Variants in ATP8A2 observed in about 807,000 individuals in gnomAD.
ATP8A2 encodes ATPase phospholipid transporting 8A2.
A neutral mutation model predicts 165.6 loss-of-function variants in ATP8A2; 100 were observed. That is an observed-to-expected ratio of 0.60 (90% CI 0.51 to 0.71). The LOEUF is 0.71. ATP8A2 is among the 30% of genes least tolerant of loss of function. ATP8A2 has a pLI of 0.00. For missense variants in ATP8A2, 1,227 were observed against 1,479.5 expected, an observed-to-expected ratio of 0.83 and a Z score of 2.80; for synonymous variants, 543 against 548.8, an observed-to-expected ratio of 0.99 and a Z score of 0.15.
At chr13:25,859,134 A>G (rs9511961) in intron 30 of ATP8A2, among the ~76,000 whole-genome samples, 144,152 of 152,102 alleles carry the variant, frequency 0.95, 68,646 homozygotes, top group Non-Finnish European at 1. Context: ...TCCAGGAGGC[A>G]GAGGTTGCAG....
chr13:25,621,540 C>T (rs994996579), intron 24 of ATP8A2, among the ~76,000 whole-genome samples: 1 of 152,048 alleles, frequency 6.6e-6, no homozygotes, highest in Non-Finnish European at 1.5e-5. Flanking sequence ...GACTGAAATC[C>T]GTCCTGCCTT....
At chr13:25,556,370 G>A (rs534000422) in intron 13 of ATP8A2, among the ~76,000 whole-genome samples, 6 of 152,296 alleles carry the variant, frequency 3.9e-5, no homozygotes, top group African/African-American at 1.2e-4. Flanking sequence ...GATTAGTGAT[G>A]TGGAGCATTG....
chr13:25,794,084 A>G (rs1392719432), intron 27 of ATP8A2, among the ~76,000 whole-genome samples: 1 of 152,170 alleles, frequency 6.6e-6, no homozygotes, highest in Non-Finnish European at 1.5e-5. Flanking sequence ...TGTTTTTGAG[A>G]TGGGGAGAAG....
intron 1 of ATP8A2, among the ~76,000 whole-genome samples, chr13:25,423,378 G>A (rs1924786): frequency 0.67 from 102,120 of 152,102 alleles, 35,284 homozygotes; most frequent in East Asian, 0.99. Flanking sequence ...ATGAATCTGC[G>A]TTAATAAACT....
intron 24 of ATP8A2, among the ~76,000 whole-genome samples, chr13:25,686,011 A>C (rs910119768): frequency 2.6e-5 from 4 of 152,128 alleles, no homozygotes; most frequent in African/African-American, 9.7e-5. Context: ...ATGGGGTATG[A>C]CAGAAAGGAA....
intron 25 of ATP8A2, among the ~76,000 whole-genome samples, chr13:25,722,712 A>C (rs2043407798): frequency 6.6e-6 from 1 of 152,208 alleles, no homozygotes; most frequent in Admixed American, 6.5e-5. Context: ...ATAACTTATA[A>C]AAGCCACAAT....
At chr13:25,975,941 C>G (rs1368869461) in intron 35 of ATP8A2, among the ~76,000 whole-genome samples, 1 of 152,190 alleles carries the variant, frequency 6.6e-6, no homozygotes, top group Admixed American at 6.5e-5. Context: ...AGTCAAACAA[C>G]CCGTCCATAA....
chr13:25,671,282 C>T (rs1188753988), intron 24 of ATP8A2, among the ~76,000 whole-genome samples: 2 of 151,994 alleles, frequency 1.3e-5, no homozygotes, highest in African/African-American at 4.8e-5. Context: ...GCCTCAGGAC[C>T]CTGTAATAAT....
At chr13:25,838,487 A>G (rs933961445) in intron 29 of ATP8A2, among the ~76,000 whole-genome samples, 10 of 152,178 alleles carry the variant, frequency 6.6e-5, no homozygotes, top group Non-Finnish European at 1.5e-4. Flanking sequence ...CAGAATTTGA[A>G]TTCAAAGGCC....
intron 35 of ATP8A2, among the ~76,000 whole-genome samples, chr13:25,999,402 A>G (rs1284992497): frequency 5.3e-5 from 8 of 152,144 alleles, no homozygotes. Flanking sequence ...AGGCGCTCAC[A>G]GGCCCCACAT....
At chr13:25,792,063 A>T (rs991099196) in intron 27 of ATP8A2, among the ~76,000 whole-genome samples, 22 of 152,152 alleles carry the variant, frequency 1.4e-4, no homozygotes, top group African/African-American at 5.1e-4. Context: ...GTAGAATTCT[A>T]TTTGTGTCCG....
intron 33 of ATP8A2, among the ~76,000 whole-genome samples, chr13:25,892,913 G>A (rs1471056849): frequency 1.3e-5 from 2 of 151,738 alleles, no homozygotes; most frequent in East Asian, 3.9e-4. Context: ...TTAGCACAAA[G>A]TGTTAAGTGG....
At chr13:25,996,077 A>C (rs1457996385) in intron 35 of ATP8A2, among the ~76,000 whole-genome samples, 2 of 152,128 alleles carry the variant, frequency 1.3e-5, no homozygotes, top group Admixed American at 6.5e-5. Context: ...ACTTTATCTA[A>C]TATTAATATA....
chr13:25,792,599 T>C (rs938123437), intron 27 of ATP8A2, among the ~76,000 whole-genome samples: 4 of 152,084 alleles, frequency 2.6e-5, no homozygotes, highest in African/African-American at 9.7e-5. Flanking sequence ...GAATTTATGA[T>C]CTAGTTAGAA....
At chr13:25,704,353 T>TTTTTTTTTTGG (rs2043012309) in intron 25 of ATP8A2, among the ~76,000 whole-genome samples, 1 of 151,454 alleles carries the variant, frequency 6.6e-6, no homozygotes, top group Non-Finnish European at 1.5e-5. Flanking sequence ...TTTTTTTTTT[T>TTTTTTTTTTGG]GAGGCAGTCT....
At chr13:25,388,296 G>A (rs1325475227) in intron 1 of ATP8A2, among the ~76,000 whole-genome samples, 1 of 152,178 alleles carries the variant, frequency 6.6e-6, no homozygotes, top group African/African-American at 2.4e-5. Context: ...CCCAGTTCCT[G>A]TGGTCAGGAG....
chr13:25,761,053 C>T (rs1348591967), intron 25 of ATP8A2, among the ~76,000 whole-genome samples: 1 of 152,208 alleles, frequency 6.6e-6, no homozygotes, highest in African/African-American at 2.4e-5. Flanking sequence ...CCTCTCCCCT[C>T]ACCTTTGCAG....
intron 24 of ATP8A2, among the ~76,000 whole-genome samples, chr13:25,663,565 A>G (rs191470374): frequency 1.3e-5 from 2 of 152,278 alleles, no homozygotes; most frequent in Non-Finnish European, 2.9e-5. Context: ...CCATGATTGT[A>G]GAGTTGCATC....
In ATP8A2 at chr13:25,738,348, C is replaced by A. The variant is rs757447072; in HGVS notation, c.2385-30698C>A. On this transcript the variant is annotated intron_variant, in intron 25 of 36. Transcript: ENST00000381655. ...TTCTTTTTGTGCCCCCCTCCCCCCC[C>A]CCCACACACACTTCTTCTGGTAGTT... Among the ~76,000 whole-genome samples the A allele has an allele frequency of 5.3e-4, 58 of 109,002 alleles. 2 individuals are homozygous for A. The highest frequency in any genetic ancestry group is 1.1e-3 in the African/African-American group (36 of 33,886). The allele number at this position is 109,002 out of a possible 152,430, so 71.5% of individuals were successfully genotyped here. A position where few individuals can be genotyped will look rare whatever the true frequency, so the allele number is the denominator to read the frequency against.
Sources: gnomAD v4.1 joint callset for allele counts (sites outside exome capture counted in the v4.1 genomes callset) on GRCh38, gnomAD v4.1.1 for gene constraint, MANE v1.5 for transcripts, NCBI Gene and HGNC (gene_info 2026-07-23, HGNC 2026-07-21) for gene names.